The following XYLT1 variants were observed in gnomAD, a reference collection of about 807,000 sequenced individuals.
XYLT1 encodes the protein xylosyltransferase 1.
In XYLT1, 36 loss-of-function variants were observed where a neutral mutation model predicts 91.3. The observed-to-expected ratio is 0.39, with a 90% CI of 0.30 to 0.52. XYLT1 has a LOEUF of 0.52. XYLT1 is among the 20% of genes least tolerant of loss of function. The pLI, the probability that XYLT1 is intolerant of heterozygous loss-of-function variation, is 0.68. For missense variants in XYLT1, 1,242 were observed against 1,284.5 expected (o/e 0.97, Z 0.51); for synonymous variants, 588 against 532.0 (o/e 1.11, Z -1.45).
intron 1 of XYLT1, among the ~76,000 whole-genome samples, chr16:17,367,797 A>C (rs1329468212): frequency 2.6e-5 from 4 of 152,084 alleles, no homozygotes; most frequent in Non-Finnish European, 5.9e-5. Context: ...GTTTCCCTAG[A>C]TGTCCGTCCC....
chr16:17,308,236 G>A (rs1052480166), intron 2 of XYLT1, among the ~76,000 whole-genome samples: 1 of 152,212 alleles, frequency 6.6e-6, no homozygotes, highest in Admixed American at 6.5e-5. Context: ...TGTTGGGTGA[G>A]AGACCAGGAG....
At chr16:17,132,308 G>C (rs2030513880) in intron 9 of XYLT1, among the ~76,000 whole-genome samples, 1 of 152,112 alleles carries the variant, frequency 6.6e-6, no homozygotes, top group Non-Finnish European at 1.5e-5. Context: ...GGGAGACGGT[G>C]GGTGTGGGGT....
rs190334635 is a variant in XYLT1 at position 17,444,062 on chromosome 16, C to T, written c.363+26372G>A. ...AACTCTTTGAATCCCAAGCTTCCTC[C>T]AGCCTTCACATTTTCTGTGCCTCCT... On this transcript the variant is annotated intron_variant, in intron 1 of 11. Transcript: ENST00000261381. Among the ~76,000 whole-genome samples the T allele has an allele frequency of 1.0e-3, 154 of 152,302 alleles. 1 individual carries two copies. In the East Asian group the frequency reaches 0.028, roughly 28 times the overall value.
intron 1 of XYLT1, among the ~76,000 whole-genome samples, chr16:17,423,586 A>G (rs1468419906): frequency 6.6e-6 from 1 of 151,914 alleles, no homozygotes; most frequent in Non-Finnish European, 1.5e-5. Context: ...GCAGGAGTCA[A>G]TATTGATTAC....
At chr16:17,169,860 G>A (rs571731577) in intron 5 of XYLT1, among the ~76,000 whole-genome samples, 1 of 152,290 alleles carries the variant, frequency 6.6e-6, no homozygotes, top group African/African-American at 2.4e-5. Context: ...TTGGTCTTCA[G>A]GGAACCAGGG....
intron 3 of XYLT1, among the ~76,000 whole-genome samples, chr16:17,258,696 G>A (rs902417550): frequency 1.3e-5 from 2 of 152,120 alleles, no homozygotes; most frequent in Non-Finnish European, 2.9e-5. Context: ...CAGCTCCCTT[G>A]GCTCCTGCCA....
chr16:17,356,914 T>A (rs57130516), intron 2 of XYLT1, among the ~76,000 whole-genome samples: 71 of 152,062 alleles, frequency 4.7e-4, no homozygotes, highest in Middle Eastern at 6.8e-3. Flanking sequence ...CAGTGGCTCA[T>A]GCCTGTAATC....
At chr16:17,394,956 T>G (rs796549691) in intron 1 of XYLT1, among the ~76,000 whole-genome samples, 19 of 151,992 alleles carry the variant, frequency 1.3e-4, no homozygotes, top group African/African-American at 4.6e-4. Context: ...TCCCTGCCCA[T>G]CCCCCCTGTA....
chr16:17,188,268 G>A (rs1449312145), intron 5 of XYLT1, among the ~76,000 whole-genome samples: 1 of 152,052 alleles, frequency 6.6e-6, no homozygotes, highest in African/African-American at 2.4e-5. Context: ...CAGCCAGTAC[G>A]ATCTCTCAAT....
At chr16:17,315,864 G>C (rs2034622599) in intron 2 of XYLT1, among the ~76,000 whole-genome samples, 1 of 152,134 alleles carries the variant, frequency 6.6e-6, no homozygotes, top group Non-Finnish European at 1.5e-5. Context: ...TCATGCCTCG[G>C]CAAGTCCCTG....
intron 1 of XYLT1, among the ~76,000 whole-genome samples, chr16:17,422,456 C>T (rs1046494149): frequency 1.3e-5 from 2 of 152,100 alleles, no homozygotes; most frequent in African/African-American, 2.4e-5. Flanking sequence ...ACTTTGGTCT[C>T]TCAAAGTGCT....
chr16:17,325,712 T>C (rs1184240551), intron 2 of XYLT1, among the ~76,000 whole-genome samples: 1 of 152,204 alleles, frequency 6.6e-6, no homozygotes, highest in African/African-American at 2.4e-5. Context: ...AAAAATTCCA[T>C]TCAAACATTT....
intron 2 of XYLT1, among the ~76,000 whole-genome samples, chr16:17,320,251 A>T (rs1200871683): frequency 1.3e-5 from 2 of 152,230 alleles, no homozygotes; most frequent in Non-Finnish European, 2.9e-5. Flanking sequence ...CCAAAAACCT[A>T]GCACAGTGCC....
intron 2 of XYLT1, among the ~76,000 whole-genome samples, chr16:17,350,820 A>C (rs977507460): frequency 8.5e-5 from 13 of 152,284 alleles, no homozygotes; most frequent in Admixed American, 3.3e-4. Flanking sequence ...GGAAGAACGG[A>C]GAGGAGACAG....
intron 3 of XYLT1, among the ~76,000 whole-genome samples, chr16:17,207,375 G>C (rs759224141): frequency 5.9e-5 from 9 of 152,070 alleles, no homozygotes; most frequent in Non-Finnish European, 1.2e-4. Context: ...TGGTTCTCTT[G>C]ATACCTGTCA....
At chr16:17,294,629 A>G (rs909536613) in intron 2 of XYLT1, among the ~76,000 whole-genome samples, 1 of 151,800 alleles carries the variant, frequency 6.6e-6, no homozygotes, top group Non-Finnish European at 1.5e-5. Flanking sequence ...TAGGAGACAA[A>G]ATTGCCTTCC....
intron 5 of XYLT1, among the ~76,000 whole-genome samples, chr16:17,184,986 C>T (rs1400639819): frequency 6.6e-6 from 1 of 152,216 alleles, no homozygotes; most frequent in Non-Finnish European, 1.5e-5. Context: ...TTGTCTTCCA[C>T]CACATCCTTC....
intron 3 of XYLT1, among the ~76,000 whole-genome samples, chr16:17,226,539 G>A (rs2033069388): frequency 6.6e-6 from 1 of 152,188 alleles, no homozygotes; most frequent in South Asian, 2.1e-4. Flanking sequence ...TGTAATCCCA[G>A]CACTTTGGGA....
rs1217467610 is a variant in XYLT1 at position 17,285,163 on chromosome 16, G to T, written c.403-25665C>A. 2.0e-5 allele frequency among the ~76,000 whole-genome samples: 3 copies of T among 152,224 alleles called. No individual in the cohort carries two copies. In the East Asian group the frequency reaches 5.8e-4, roughly 29 times the overall value. On this transcript the variant is annotated intron_variant, in intron 2 of 11. Coordinates refer to ENST00000261381, the MANE Select transcript of XYLT1 (RefSeq NM_022166.4). ...GCTGCTCCAGCCTCTTCTCTCCGGG[G>T]TGTTGCTGGGGAGGGATGAGGGAAA...
Sources: allele counts gnomAD v4.1 joint callset (sites outside exome capture counted in the v4.1 genomes callset), GRCh38; gene constraint gnomAD v4.1.1; transcripts MANE v1.5; gene names NCBI Gene and HGNC (gene_info 2026-07-23, HGNC 2026-07-21).